Variants in ITPR1 observed in about 807,000 individuals in gnomAD.
ITPR1 encodes inositol 1,4,5-trisphosphate receptor type 1, also known as inositol 1,4,5-trisphosphate-gated calcium channel ITPR1.
In ITPR1, 96 loss-of-function variants were observed where a neutral mutation model predicts 318.4. The observed-to-expected ratio is 0.30, with a 90% confidence interval of 0.26 to 0.36. The LOEUF is 0.36. Ranked by LOEUF, ITPR1 falls within the 10% of genes least tolerant of loss-of-function variation. The pLI, the probability that ITPR1 is intolerant of heterozygous loss-of-function variation, is 1.00. For synonymous variants in ITPR1, 1,312 were observed against 1,289.9 expected, an observed-to-expected ratio of 1.02 and a Z score of -0.37; for missense variants, 2,440 against 3,460.2, an observed-to-expected ratio of 0.71 and a Z score of 7.40.
At chr3:4,553,771 T>C (rs994987240) in intron 4 of ITPR1, among the ~76,000 whole-genome samples, 3 of 152,212 alleles carry the variant, frequency 2.0e-5, no homozygotes, top group Admixed American at 2.0e-4. Context: ...TGGCTAATTT[T>C]TGTATTTTTA....
chr3:4,581,252 A>G (rs544712739), intron 4 of ITPR1, among the ~76,000 whole-genome samples: 1 of 152,328 alleles, frequency 6.6e-6, no homozygotes, highest in African/African-American at 2.4e-5. Context: ...CTTCTGTGCT[A>G]CAGAGAGGCC....
At chr3:4,503,693 C>T (rs2081198869) in intron 2 of ITPR1, among the ~76,000 whole-genome samples, 1 of 152,090 alleles carries the variant, frequency 6.6e-6, no homozygotes, top group Non-Finnish European at 1.5e-5. Flanking sequence ...TGCCCCACCA[C>T]ACACACACGC....
intron 12 of ITPR1, among the ~76,000 whole-genome samples, chr3:4,656,419 A>C: frequency 6.6e-6 from 1 of 152,326 alleles, no homozygotes; most frequent in South Asian, 2.1e-4. Flanking sequence ...TCTTACTCCT[A>C]AACTGCAGTT....
chr3:4,734,956 T>C (rs982053370), intron 43 of ITPR1, among the ~76,000 whole-genome samples: 2 of 152,236 alleles, frequency 1.3e-5, no homozygotes, highest in Non-Finnish European at 2.9e-5. Flanking sequence ...AAACACCATC[T>C]CTGCTGCTGA....
chr3:4,543,276 GA>G (rs575148417), intron 4 of ITPR1, among the ~76,000 whole-genome samples: 15 of 150,888 alleles, frequency 9.9e-5, no homozygotes, highest in Admixed American at 8.6e-4. Flanking sequence ...AAAAAAAAGA[GA>G]AAAAAAAGAA....
intron 4 of ITPR1, among the ~76,000 whole-genome samples, chr3:4,535,994 G>A (rs1002465662): frequency 9.2e-5 from 14 of 152,154 alleles, no homozygotes; most frequent in African/African-American, 2.9e-4. Flanking sequence ...GATAGTGGCT[G>A]GAAATGTCAT....
intron 54 of ITPR1, among the ~76,000 whole-genome samples, chr3:4,801,915 A>C (rs1470909057): frequency 6.6e-6 from 1 of 152,236 alleles, no homozygotes; most frequent in Non-Finnish European, 1.5e-5. Flanking sequence ...GATGTTATCA[A>C]CAGACAATAA....
Position 4,645,704 on chromosome 3 carries a change from T to C in ITPR1, c.831T>C (p.Ser277=). Residue 277 remains serine (S), a synonymous_variant, in exon 10 of 62, where the codon AGT becomes AGC. Coordinates refer to ENST00000649015, the MANE Select transcript of ITPR1 (RefSeq NM_001378452.1). The part of the protein sequence containing the change: ...TGRQSATSAT[S]SKALWEVEVV... ...GGCAGTCGGCCACATCTGCCACCAG[T>C]TCAAAAGCCCTGTGGGAGGTGGAGG... 6.2e-7 allele frequency: 1 copy of C among 1,613,236 alleles called. No homozygotes were observed. The highest frequency in any genetic ancestry group is 8.5e-7 in the Non-Finnish European group (1 of 1,179,744).
intron 31 of ITPR1, among the ~76,000 whole-genome samples, chr3:4,689,295 G>C (rs903745707): frequency 8.5e-5 from 12 of 140,806 alleles, no homozygotes; most frequent in African/African-American, 3.0e-4. Flanking sequence ...ATACTGCAAA[G>C]GACATCTTTG....
chr3:4,771,955 T>G (rs2046218458), intron 46 of ITPR1, among the ~76,000 whole-genome samples: 1 of 152,076 alleles, frequency 6.6e-6, no homozygotes, highest in African/African-American at 2.4e-5. Context: ...GGAGGAATTG[T>G]AGGGAGCCCC....
intron 48 of ITPR1, among the ~76,000 whole-genome samples, chr3:4,777,945 T>C (rs1200709694): frequency 6.6e-6 from 1 of 152,258 alleles, no homozygotes; most frequent in Non-Finnish European, 1.5e-5. Flanking sequence ...GGGCCTCTGC[T>C]GAGTTTCTCT....
chr3:4,497,465 G>A (rs962380843), intron 2 of ITPR1, among the ~76,000 whole-genome samples: 29 of 152,198 alleles, frequency 1.9e-4, no homozygotes, highest in Non-Finnish European at 3.7e-4. Context: ...TTACATCTCA[G>A]TTGGTGGGAG....
Position 4,840,476 on chromosome 3 carries a change from GTTGT to G in ITPR1, c.8190+3548_8190+3551del, listed in dbSNP as rs796940137. Reference sequence around the variant, plus strand: ...AGGTTTTTTTTGTTTTGTTGTTGTTGTTGTTTGTTTTAGATTTTCTGATTCAAAA... The same window carrying G: ...AGGTTTTTTTTGTTTTGTTGTTGTTGTTGTTTTAGATTTTCTGATTCAAAA... On this transcript the variant is annotated intron_variant, in intron 61 of 61. Transcript: ENST00000649015. 5.3e-3 allele frequency among the ~76,000 whole-genome samples: 807 copies of G among 152,184 alleles called. 12 individuals carry two copies. Among genetic ancestry groups the G allele is most frequent in the African/African-American group, 0.018 (757 of 41,534 alleles).
rs529658558 is a variant in ITPR1 at position 4,710,870 on chromosome 3, G to A, written c.4991+397G>A. ...TAATTTCTTAGTTTATGCCTTGTGC[G>A]TAATCTGTAAGCAACAAGCAGACCC... On this transcript the variant is annotated intron_variant, in intron 38 of 61. Coordinates refer to ENST00000649015, the MANE Select transcript of ITPR1 (RefSeq NM_001378452.1). This position sits in a 1 kb window ranked among gnomAD's most constrained non-coding sequence, Gnocchi z 4.2. Among the ~76,000 whole-genome samples, 8 of 152,208 alleles carry A rather than the reference G, an allele frequency of 5.3e-5. No individual in the cohort carries two copies. Among genetic ancestry groups the A allele is most frequent in the Non-Finnish European group, 7.4e-5 (5 of 68,024 alleles).
chr3:4,827,192 GC>G (rs2050136201), intron 60 of ITPR1, among the ~76,000 whole-genome samples: 1 of 152,090 alleles, frequency 6.6e-6, no homozygotes, highest in Non-Finnish European at 1.5e-5. Context: ...TCCTGCTCCT[GC>G]CCCGACAGCA....
intron 4 of ITPR1, among the ~76,000 whole-genome samples, chr3:4,530,782 A>T (rs756670679): frequency 2.6e-5 from 4 of 151,706 alleles, no homozygotes; most frequent in East Asian, 1.9e-4. Flanking sequence ...CTCAACAACA[A>T]CAACAACAAC....
At chr3:4,787,853 C>A in intron 51 of ITPR1, 94 bp from the exon 52 acceptor site, 1 of 813,710 alleles carries the variant, frequency 1.2e-6, no homozygotes, top group South Asian at 1.7e-5. Flanking sequence ...ATATTATACT[C>A]AATCTTGACC....
chr3:4,772,762 G>A (rs1273982412), intron 46 of ITPR1, among the ~76,000 whole-genome samples: 1 of 152,252 alleles, frequency 6.6e-6, no homozygotes, highest in East Asian at 1.9e-4. Flanking sequence ...CTAAGAAGGA[G>A]TTCCCTGTGC....
At chr3:4,621,795 T>C (rs1355198034) in intron 4 of ITPR1, among the ~76,000 whole-genome samples, 1 of 152,236 alleles carries the variant, frequency 6.6e-6, no homozygotes, top group Non-Finnish European at 1.5e-5. Flanking sequence ...TTGCACGTGC[T>C]GTTCCCTCTG....
Sources: gnomAD v4.1 joint callset for allele counts (sites outside exome capture counted in the v4.1 genomes callset) on GRCh38, gnomAD v4.1.1 for gene constraint, Gnocchi (gnomAD v3.1) non-coding constraint, MANE v1.5 for transcripts, NCBI Gene and HGNC (gene_info 2026-07-23, HGNC 2026-07-21) for gene names.